Variants in XCR1 observed in about 807,000 individuals in gnomAD.
The protein encoded by XCR1 is X-C motif chemokine receptor 1, also known as chemokine XC receptor 1.
For missense variants in XCR1, 356 were observed against 424.2 expected, an observed-to-expected ratio of 0.84 and a Z score of 1.41; for synonymous variants, 187 against 188.5, an observed-to-expected ratio of 0.99 and a Z score of 0.06.
chr3:46,067,679 A>G (rs1260525417), intron 3 of XCR1, among the ~76,000 whole-genome samples: 1 of 152,172 alleles, frequency 6.6e-6, no homozygotes, highest in Non-Finnish European at 1.5e-5. Context: ...CTATTAGAGG[A>G]CTGTTAACTA....
intron 4 of XCR1, among the ~76,000 whole-genome samples, chr3:46,066,507 T>C (rs1001470046): frequency 6.6e-6 from 1 of 152,162 alleles, no homozygotes; most frequent in African/African-American, 2.4e-5. Context: ...CCTCCCAAAG[T>C]GCTGCAATTA....
At chr3:46,032,547 G>A (rs1420033283) in intron 5 of XCR1, among the ~76,000 whole-genome samples, 1 of 152,214 alleles carries the variant, frequency 6.6e-6, no homozygotes. Context: ...TGAGCCTAGT[G>A]CAGCCTACCA....
At chr3:46,051,983 G>A (rs1337880935) in intron 5 of XCR1, among the ~76,000 whole-genome samples, 2 of 151,912 alleles carry the variant, frequency 1.3e-5, no homozygotes, top group Non-Finnish European at 2.9e-5. Context: ...ACAAGATTGC[G>A]CCACTGCACT....
At chr3:46,064,469 T>G (rs1698025172) in intron 4 of XCR1, among the ~76,000 whole-genome samples, 1 of 152,204 alleles carries the variant, frequency 6.6e-6, no homozygotes, top group Non-Finnish European at 1.5e-5. Context: ...AATTCTTTAC[T>G]GCTCCTCCCA....
chr3:46,065,248 A>C (rs1698045651), intron 4 of XCR1, among the ~76,000 whole-genome samples: 1 of 152,226 alleles, frequency 6.6e-6, no homozygotes, highest in Admixed American at 6.5e-5. Context: ...TAGTCAAAAC[A>C]AGTAATATTG....
intron 5 of XCR1, among the ~76,000 whole-genome samples, chr3:46,033,629 G>A (rs1697347495): frequency 6.6e-6 from 1 of 152,158 alleles, no homozygotes. Flanking sequence ...TTCTTCTTCA[G>A]TTTTTTGTTG....
chr3:46,054,746 A>C (rs1559489380), intron 4 of XCR1, among the ~76,000 whole-genome samples: 1 of 152,196 alleles, frequency 6.6e-6, no homozygotes, highest in Non-Finnish European at 1.5e-5. Flanking sequence ...CTAGAGGTTT[A>C]TATAGCAGGA....
At chr3:46,038,428 A>ATTG (rs1049752776) in intron 5 of XCR1, among the ~76,000 whole-genome samples, 1 of 152,116 alleles carries the variant, frequency 6.6e-6, no homozygotes, top group Non-Finnish European at 1.5e-5. Flanking sequence ...ATTTTCAATT[A>ATTG]TTGTTGTTTA....
chr3:46,073,028 C>A (rs992362653), intron 3 of XCR1, among the ~76,000 whole-genome samples: 4 of 152,044 alleles, frequency 2.6e-5, no homozygotes, highest in African/African-American at 9.7e-5. Context: ...GGAAAAGATA[C>A]CCTGTTCAAT....
At chr3:46,057,967 G>A (rs1477032314) in intron 4 of XCR1, among the ~76,000 whole-genome samples, 11 of 149,774 alleles carry the variant, frequency 7.3e-5, no homozygotes, top group Non-Finnish European at 1.6e-4. Flanking sequence ...TGCCATCTAT[G>A]TATCTATCAT....
At position 46,045,626 on chromosome 3, in the gene XCR1, A is replaced by AT. The variant is rs1264093225; in HGVS notation, c.-32+8293dup. ...AATATATGAGAACTTCCTCAACATG[A>AT]TAAAAAAAACTTTTTTTAAAAACCT... On this transcript the variant is annotated intron_variant, in intron 5 of 5. Transcript: ENST00000683768. Among the ~76,000 whole-genome samples, 7 of 152,330 alleles carry AT rather than the reference A, an allele frequency of 4.6e-5. No individual in the cohort carries two copies. In the East Asian group the frequency reaches 1.2e-3, roughly 25 times the overall value.
At chr3:46,042,809 C>G (rs941717236) in intron 5 of XCR1, among the ~76,000 whole-genome samples, 1 of 152,180 alleles carries the variant, frequency 6.6e-6, no homozygotes, top group Non-Finnish European at 1.5e-5. Flanking sequence ...GGGAACAGTT[C>G]TTAATCTATA....
chr3:46,059,720 G>A (rs1697926220), intron 4 of XCR1, among the ~76,000 whole-genome samples: 1 of 152,160 alleles, frequency 6.6e-6, no homozygotes, highest in Non-Finnish European at 1.5e-5. Context: ...CATGACCAAT[G>A]TCCCTGACAA....
intron 1 of XCR1, chr3:46,023,260 G>A: frequency 3.0e-6 from 2 of 661,868 alleles, no homozygotes; most frequent in South Asian, 1.9e-5. Flanking sequence ...ATGTTCCCTG[G>A]CCCCACCGCT....
upstream of XCR1, among the ~76,000 whole-genome samples, chr3:46,028,234 G>A (rs1216287137): frequency 6.6e-6 from 1 of 152,034 alleles, no homozygotes; most frequent in East Asian, 1.9e-4. Context: ...ACCAGTGGGG[G>A]GAGTAAAAGA....
chr3:46,044,614 C>G (rs1575421742), intron 5 of XCR1, among the ~76,000 whole-genome samples: 1 of 151,830 alleles, frequency 6.6e-6, no homozygotes, highest in Non-Finnish European at 1.5e-5. Flanking sequence ...ATCTCTAGAC[C>G]AGCTTACACA....
intron 4 of XCR1, among the ~76,000 whole-genome samples, chr3:46,054,551 G>A (rs34340587): frequency 0.09 from 13,705 of 151,880 alleles, 1,002 homozygotes; most frequent in South Asian, 0.34. Context: ...AAGGACGAGG[G>A]GGGGGCGAGT....
intron 5 of XCR1, among the ~76,000 whole-genome samples, chr3:46,035,189 C>T (rs933186631): frequency 1.3e-5 from 2 of 152,108 alleles, no homozygotes; most frequent in African/African-American, 2.4e-5. Context: ...TCCTGACCTC[C>T]TGATCTGCCC....
chr3:46,050,755 T>A (rs761172101), intron 5 of XCR1, among the ~76,000 whole-genome samples: 2 of 152,134 alleles, frequency 1.3e-5, no homozygotes, highest in Non-Finnish European at 2.9e-5. Flanking sequence ...ATCCTTCTCG[T>A]GTAAGGAGGG....
Sources: allele counts gnomAD v4.1 joint callset (sites outside exome capture counted in the v4.1 genomes callset), GRCh38; gene constraint gnomAD v4.1.1; transcripts MANE v1.5; gene names NCBI Gene and HGNC (gene_info 2026-07-23, HGNC 2026-07-21).